The following PTPN23 variants were observed in gnomAD, a reference collection of about 807,000 sequenced individuals.
PTPN23 encodes the protein tyrosine-protein phosphatase non-receptor type 23.
PTPN23 carries 72 observed loss-of-function variants against 156.3 expected under a neutral mutation model. The ratio of observed to expected loss-of-function variants is 0.46; its 90% CI spans 0.38 to 0.56. PTPN23 has a LOEUF of 0.56. Ranked by LOEUF, PTPN23 falls within the 20% of genes least tolerant of loss-of-function variation. The pLI is 0.00. For missense variants in PTPN23, 1,974 were observed against 2,171.5 expected (o/e 0.91, Z 1.81); for synonymous variants, 957 against 899.6 (o/e 1.06, Z -1.14).
In PTPN23 at chr3:47,405,405, A is replaced by G. The variant is rs928480721; in HGVS notation, c.364+324A>G. The G allele has an allele frequency of 3.0e-5, 16 of 532,436 alleles. No homozygotes were observed. In the African/African-American group the frequency reaches 3.0e-4, roughly 10 times the overall value. 33.0% of individuals were successfully genotyped at this position (532,436 alleles called of 1,614,324 possible). A position where few individuals can be genotyped will look rare whatever the true frequency, so the allele number is the denominator to read the frequency against. Reference sequence around the variant, plus strand: ...GTTTTGGGCTGCTTCAGGCAGGAGGAGAGTGTGGCTGGCCTCAGCTTACCC... The same window carrying G: ...GTTTTGGGCTGCTTCAGGCAGGAGGGGAGTGTGGCTGGCCTCAGCTTACCC... On this transcript the variant is annotated intron_variant, in intron 4 of 24. Transcript: ENST00000265562. The surrounding 1 kb of genome is among the most constrained non-coding windows in gnomAD (Gnocchi z 4.7).
chr3:47,400,160 T>C (rs147225851), intron 2 of PTPN23, among the ~76,000 whole-genome samples: 118 of 152,328 alleles, frequency 7.7e-4, no homozygotes, highest in African/African-American at 2.7e-3. Flanking sequence ...TTTTCTTACA[T>C]AGGACGTTGA....
chr3:47,381,187 T>C lies in PTPN23; in HGVS notation c.84+7T>C, dbSNP rs1704528084. On this transcript the variant is annotated splice_region_variant and intron_variant, in intron 1 of 24. Transcript: ENST00000265562. ...CCAGCCAGCTGTGAAGAAGGTGAGC[T>C]TGCCTTCCATCTTCCCCCCTATCCG... is the stretch of plus-strand genomic sequence containing the variant. 1 of 1,576,250 alleles carries C rather than the reference T, an allele frequency of 6.3e-7. No individual in the cohort carries two copies. Among genetic ancestry groups the C allele is most frequent in the Non-Finnish European group, 8.6e-7 (1 of 1,161,574 alleles).
At chr3:47,398,417 G>A (rs1704923224) in intron 2 of PTPN23, among the ~76,000 whole-genome samples, 1 of 152,148 alleles carries the variant, frequency 6.6e-6, no homozygotes, top group East Asian at 1.9e-4. Flanking sequence ...AAAAATTCTT[G>A]AAGGAAATTA....
chr3:47,395,707 G>A (rs945248572), intron 1 of PTPN23, among the ~76,000 whole-genome samples: 8 of 152,196 alleles, frequency 5.3e-5, no homozygotes, highest in African/African-American at 1.9e-4. Context: ...GGTGAGAGAG[G>A]CTTTCTGTTC....
chr3:47,389,989 C>T (rs1045076857), intron 1 of PTPN23, among the ~76,000 whole-genome samples: 1 of 149,808 alleles, frequency 6.7e-6, no homozygotes, highest in African/African-American at 2.5e-5. Context: ...AGGAGAATTG[C>T]TTGAACCCAG....
intron 1 of PTPN23, among the ~76,000 whole-genome samples, chr3:47,394,984 A>C (rs1704848708): frequency 6.6e-6 from 1 of 152,220 alleles, no homozygotes; most frequent in Non-Finnish European, 1.5e-5. Flanking sequence ...CAACAGAAGA[A>C]CCAGGGTTAG....
chr3:47,410,668 C>T lies in PTPN23; in HGVS notation c.2870C>T (p.Pro957Leu), dbSNP rs528236908. Residue 957 changes from proline to leucine, a missense_variant, in exon 20 of 25, where the codon CCC becomes CTC. Physicochemically the swap from Pro to Leu is moderately conservative, Grantham distance 98. Coordinates refer to ENST00000265562, the MANE Select transcript of PTPN23 (RefSeq NM_015466.4). Reference sequence around the variant, plus strand: ...CCAAGGATTGGGCCCCAGCCCCAGCCCCATCCTCAGCCCCATCCTTCACAA... The same window carrying T: ...CCAAGGATTGGGCCCCAGCCCCAGCTCCATCCTCAGCCCCATCCTTCACAA... ...PAPRIGPQPQ[P>L]HPQPHPSQAF... 3.7e-6 allele frequency: 6 copies of T among 1,604,958 alleles called. No homozygotes were observed. In the African/African-American group the frequency reaches 8.0e-5, roughly 21 times the overall value.
At position 47,408,028 on chromosome 3, in the gene PTPN23, C is replaced by T. The variant is rs1705171472; in HGVS notation, c.1184+73C>T. 6.6e-6 allele frequency: 10 copies of T among 1,512,510 alleles called. No homozygotes were observed. The South Asian group carries it at 1.0e-4, about 16-fold the overall frequency. The allele number at this position is 1,512,510 out of a possible 1,614,324, so 93.7% of individuals were successfully genotyped here. On this transcript the variant is annotated intron_variant, in intron 14 of 24. Coordinates refer to ENST00000265562, the MANE Select transcript of PTPN23 (RefSeq NM_015466.4). ...GGGCCTCTGGGGGCCCCAGGGCTGC[C>T]TATGCTGGGAGAGGAATGAAATGTC...
intron 2 of PTPN23, among the ~76,000 whole-genome samples, chr3:47,398,460 A>T (rs1704924149): frequency 6.6e-6 from 1 of 152,158 alleles, no homozygotes. Context: ...ATCTCTGGAT[A>T]TCAGATTCTC....
rs747289546 is a variant in PTPN23 at position 47,406,603 on chromosome 3, C to T, written c.750C>T (p.Ala250=). The T allele has an allele frequency of 6.1e-5, 98 of 1,613,734 alleles. No individual in the cohort carries two copies. Among genetic ancestry groups the T allele is most frequent in the Non-Finnish European group, 7.2e-5 (85 of 1,179,984 alleles). Residue 250 remains alanine, a synonymous_variant, in exon 8 of 25, where the codon GCC becomes GCT. Transcript: ENST00000265562. This position sits in a 1 kb window ranked among gnomAD's most constrained non-coding sequence, Gnocchi z 5.8. Reference sequence around the variant, plus strand: ...AGATGAAGATCTACTACTTCGCAGCCGTGGCTCATGTGAGGGCCTGGGGCC... The same window carrying T: ...AGATGAAGATCTACTACTTCGCAGCTGTGGCTCATGTGAGGGCCTGGGGCC... ...LVQMKIYYFA[A]VAHLHMGKQA...
intron 1 of PTPN23, among the ~76,000 whole-genome samples, chr3:47,393,862 C>A (rs1704824568): frequency 6.6e-6 from 1 of 151,494 alleles, no homozygotes; most frequent in Non-Finnish European, 1.5e-5. Context: ...ACCTCTCCCT[C>A]TTGAGTAGCT....
In PTPN23 at chr3:47,413,206, C is replaced by T. The variant is rs767427147; in HGVS notation, c.*21C>T. On this transcript the variant is annotated 3_prime_UTR_variant, in exon 25 of 25. Coordinates refer to ENST00000265562, the MANE Select transcript of PTPN23 (RefSeq NM_015466.4). ...CCTGAACAGGTTTTGCCTACCTGGT[C>T]CTTACACTACATCATCATCATCTCA... 6.3e-7 allele frequency: 1 copy of T among 1,591,240 alleles called. No homozygotes were observed.
At chr3:47,393,235 C>G (rs1197635845) in intron 1 of PTPN23, among the ~76,000 whole-genome samples, 1 of 152,142 alleles carries the variant, frequency 6.6e-6, no homozygotes. Flanking sequence ...TCACTGCAAC[C>G]TCCCCCTCCT....
intron 1 of PTPN23, among the ~76,000 whole-genome samples, chr3:47,390,029 C>T (rs930228453): frequency 1.3e-5 from 2 of 148,956 alleles, no homozygotes; most frequent in African/African-American, 5.0e-5. Context: ...GCCGAGATGG[C>T]GCCATTGCAC....
rs1429884546 is a variant in PTPN23 at position 47,412,957 on chromosome 3, G to A, written c.4683G>A (p.Glu1561=). ...CTGAGGCTCCCCAGCCTAAGGAGGA[G>A]CCGCCAGTGCCTGAAGCCCCCAGCT... The part of the protein sequence containing the change: ...PLPEAPQPKE[E]PPVPEAPSSG... The change falls in exon 25 of 25, where the codon GAG becomes GAA. Residue 1561 remains glutamate (E), a synonymous_variant. Coordinates refer to ENST00000265562, the MANE Select transcript of PTPN23 (RefSeq NM_015466.4). 1.2e-6 allele frequency: 2 copies of A among 1,605,066 alleles called. No individual in the cohort carries two copies. The highest frequency in any genetic ancestry group is 1.1e-5 in the South Asian group (1 of 90,596).
chr3:47,385,450 G>GTGGA (rs1704632985), intron 1 of PTPN23, among the ~76,000 whole-genome samples: 1 of 152,166 alleles, frequency 6.6e-6, no homozygotes, highest in Non-Finnish European at 1.5e-5. Context: ...GCTGAGGCAG[G>GTGGA]TGGATTGCTT....
Position 47,411,508 on chromosome 3 carries a change from G to A in PTPN23, c.3710G>A (p.Arg1237His), listed in dbSNP as rs549052481. Reference sequence around the variant, plus strand: ...TATGACAGTAACCGTGTGGTGCTGCGCTCAGGCAAGGATGACTACATCAAT... The same window carrying A: ...TATGACAGTAACCGTGTGGTGCTGCACTCAGGCAAGGATGACTACATCAAT... ...MPYDSNRVVL[R>H]SGKDDYINAS... The change falls in exon 20 of 25, where the codon CGC becomes CAC. Residue 1237 changes from arginine (R) to histidine (H), a missense_variant. Arg to His is a conservative substitution (Grantham distance 29). This residue lies in a region of PTPN23 where 33 missense variants were observed against 56.9 expected (regional missense o/e 0.58). Coordinates refer to ENST00000265562, the MANE Select transcript of PTPN23 (RefSeq NM_015466.4). The surrounding 1 kb of genome is among the most constrained non-coding windows in gnomAD (Gnocchi z 6.3). The A allele has an allele frequency of 2.8e-5, 45 of 1,613,036 alleles. No homozygotes were observed. Among genetic ancestry groups the A allele is most frequent in the South Asian group, 2.3e-4 (21 of 91,082 alleles).
Position 47,411,930 on chromosome 3 carries a change from T to G in PTPN23, c.4036T>G (p.Ser1346Ala), listed in dbSNP as rs755734614. 1.2e-5 allele frequency: 19 copies of G among 1,613,054 alleles called. No individual in the cohort carries two copies. Among genetic ancestry groups the G allele is most frequent in the Non-Finnish European group, 1.4e-5 (17 of 1,179,852 alleles). The part of the protein sequence containing the change: ...LQFRDQSLKR[S>A]LVHLHFPTWP... ...GTTCCGAGACCAGAGCCTCAAGCGC[T>G]CTCTTGTGCACCTGCACTTCCCCAC... The change falls in exon 21 of 25, where the codon TCT becomes GCT. Residue 1346 changes from serine (S) to alanine (A), a missense_variant. Transcript: ENST00000265562. This position sits in a 1 kb window ranked among gnomAD's most constrained non-coding sequence, Gnocchi z 6.3.
chr3:47,385,073 A>G (rs1419237425), intron 1 of PTPN23, among the ~76,000 whole-genome samples: 1 of 152,070 alleles, frequency 6.6e-6, no homozygotes, highest in Non-Finnish European at 1.5e-5. Flanking sequence ...GACCCACGTA[A>G]TTTTTTAGTG....
Sources: gnomAD v4.1 joint callset for allele counts (sites outside exome capture counted in the v4.1 genomes callset) on GRCh38, gnomAD v4.1.1 for gene constraint, gnomAD v4.1.1 regional missense constraint, Gnocchi (gnomAD v3.1) non-coding constraint, MANE v1.5 for transcripts, NCBI Gene and HGNC (gene_info 2026-07-23, HGNC 2026-07-21) for gene names.